The following HAPLN3 variants were observed in gnomAD, a reference collection of about 807,000 sequenced individuals.
The protein encoded by HAPLN3 is hyaluronan and proteoglycan link protein 3.
HAPLN3 carries 28 observed loss-of-function variants against 28.1 expected under a neutral mutation model. That is an observed-to-expected ratio of 1.00 (90% CI 0.74 to 1.37). The LOEUF (loss-of-function observed/expected upper bound fraction) is 1.37, where lower values mean the gene tolerates loss of function less well. Ranked by LOEUF, HAPLN3 falls within the 40% of genes most tolerant of loss-of-function variation. The pLI is 0.00. For missense variants in HAPLN3, 513 were observed against 504.6 expected, an observed-to-expected ratio of 1.02 and a Z score of -0.16; for synonymous variants, 211 against 213.1, an observed-to-expected ratio of 0.99 and a Z score of 0.09.
intron 2 of HAPLN3, among the ~76,000 whole-genome samples, chr15:88,885,261 A>G (rs186529531): frequency 3.3e-5 from 5 of 152,240 alleles, no homozygotes; most frequent in African/African-American, 4.8e-5. Flanking sequence ...TCCTTCCACA[A>G]ACAAGTGGAA....
Position 88,881,356 on chromosome 15 carries a change from C to A in HAPLN3, c.493+1G>T. On this transcript the variant is annotated splice_donor_variant, in intron 3 of 4. Coordinates refer to ENST00000359595, the MANE Select transcript of HAPLN3 (RefSeq NM_178232.4). LOFTEE classifies it high-confidence loss of function. This position sits in a 1 kb window ranked among gnomAD's most constrained non-coding sequence, Gnocchi z 6.0. ...TCACCCAGTCCCCGTTAGCATCTCA[C>A]CCCGCAGCTCCAGCTCCACCAGACC... 1 of 1,608,392 alleles carries A rather than the reference C, an allele frequency of 6.2e-7. No homozygotes were observed. The highest frequency in any genetic ancestry group is 1.1e-5 in the South Asian group (1 of 90,318).
At chr15:88,886,025 G>C (rs1897843333) in intron 2 of HAPLN3, among the ~76,000 whole-genome samples, 1 of 152,180 alleles carries the variant, frequency 6.6e-6, no homozygotes, top group Non-Finnish European at 1.5e-5. Context: ...ATTCAGCCTG[G>C]TCAGCACCCG....
intron 1 of HAPLN3, among the ~76,000 whole-genome samples, chr15:88,890,019 AGGG>A (rs1175474088): frequency 7.9e-6 from 1 of 126,512 alleles, no homozygotes; most frequent in African/African-American, 2.8e-5. Context: ...GGAGGGAGGA[AGGG>A]GAGGAAGGAA....
intron 1 of HAPLN3, among the ~76,000 whole-genome samples, chr15:88,894,763 C>T (rs1466713564): frequency 6.6e-6 from 1 of 152,210 alleles, no homozygotes; most frequent in Non-Finnish European, 1.5e-5. Context: ...AGGACTGGGT[C>T]CAAGTGCCGT....
Position 88,877,912 on chromosome 15 carries a change from G to A in HAPLN3, c.*58C>T, listed in dbSNP as rs773254078. ...ATGGCTCCAACCCACAAGGGAAAAC[G>A]AACCACTCAATAAATACACAGCCAG... is the stretch of plus-strand genomic sequence containing the variant. On this transcript the variant is annotated 3_prime_UTR_variant, in exon 5 of 5. Coordinates refer to ENST00000359595, the MANE Select transcript of HAPLN3 (RefSeq NM_178232.4). The surrounding 1 kb of genome is among the most constrained non-coding windows in gnomAD (Gnocchi z 5.1). The A allele has an allele frequency of 1.2e-5, 18 of 1,488,530 alleles. No individual in the cohort carries two copies. The highest frequency in any genetic ancestry group is 2.3e-5 in the East Asian group (1 of 43,596). The allele number at this position is 1,488,530 out of a possible 1,614,324, so 92.2% of individuals were successfully genotyped here. A position where few individuals can be genotyped will look rare whatever the true frequency, so the allele number is the denominator to read the frequency against.
chr15:88,885,941 G>A (rs1897841132), intron 2 of HAPLN3, among the ~76,000 whole-genome samples: 2 of 152,250 alleles, frequency 1.3e-5, no homozygotes, highest in East Asian at 1.9e-4. Context: ...TCAACTCTCT[G>A]AGCCTAGTTT....
chr15:88,881,758 G>A lies in HAPLN3; in HGVS notation c.125-33C>T, dbSNP rs778893990. The A allele has an allele frequency of 1.3e-5, 20 of 1,579,296 alleles. No homozygotes were observed. The highest frequency in any genetic ancestry group is 1.6e-5 in the Non-Finnish European group (18 of 1,160,240). ...GAGAGACAGGGTGCAGATGAGACCT[G>A]CTGAAGCACATCTGTACCCCTGCAA... On this transcript the variant is annotated intron_variant, in intron 2 of 4. Coordinates refer to ENST00000359595, the MANE Select transcript of HAPLN3 (RefSeq NM_178232.4). This position sits in a 1 kb window ranked among gnomAD's most constrained non-coding sequence, Gnocchi z 6.0.
rs1192701746 is a variant in HAPLN3, at chr15:88,893,242, C to A, written c.-48+2217G>T. On this transcript the variant is annotated intron_variant, in intron 1 of 4. Transcript: ENST00000359595. ...GACTGGCCTGGCCAACACAGTGAAACCCCCATCTCTAATGAAAATACAAAA... is the reference window on the plus strand; with the variant it reads ...GACTGGCCTGGCCAACACAGTGAAAACCCCATCTCTAATGAAAATACAAAA... 8.2e-6 allele frequency: 5 copies of A among 607,142 alleles called. No individual in the cohort carries two copies. The Admixed American group carries it at 1.1e-4, about 13-fold the overall frequency. 37.6% of individuals were successfully genotyped at this position (607,142 alleles called of 1,614,324 possible).
intron 1 of HAPLN3, among the ~76,000 whole-genome samples, chr15:88,894,978 G>A (rs1898118740): frequency 6.6e-6 from 1 of 152,198 alleles, no homozygotes; most frequent in African/African-American, 2.4e-5. Context: ...GTCCAGAGGC[G>A]CAGGTCCGCC....
chr15:88,892,456 CA>C (rs748336874), intron 1 of HAPLN3, among the ~76,000 whole-genome samples: 145 of 143,614 alleles, frequency 1.0e-3, no homozygotes, highest in African/African-American at 3.3e-3. Context: ...AACTGCATCT[CA>C]AAAAAAAAAG....
chr15:88,889,630 C>T (rs961835241), intron 1 of HAPLN3, among the ~76,000 whole-genome samples: 1 of 152,236 alleles, frequency 6.6e-6, no homozygotes, highest in African/African-American at 2.4e-5. Flanking sequence ...GCCACCACAC[C>T]TGGCCAGAAG....
intron 1 of HAPLN3, among the ~76,000 whole-genome samples, chr15:88,889,923 A>G (rs1465564238): frequency 1.4e-5 from 2 of 146,906 alleles, no homozygotes; most frequent in Non-Finnish European, 3.0e-5. Context: ...AGGACCCAGA[A>G]GATGAGGAAA....
intron 2 of HAPLN3, among the ~76,000 whole-genome samples, chr15:88,883,064 A>G (rs1897750093): frequency 6.6e-6 from 1 of 152,248 alleles, no homozygotes; most frequent in South Asian, 2.1e-4. Flanking sequence ...GGACAGCCTC[A>G]TGGGTAAGCA....
Position 88,879,316 on chromosome 15 carries a change from C to A in HAPLN3, c.494-47G>T. On this transcript the variant is annotated intron_variant, in intron 3 of 4. Transcript: ENST00000359595. This position sits in a 1 kb window ranked among gnomAD's most constrained non-coding sequence, Gnocchi z 5.0. ...GCTTAGGGGGTGGCCAGGGGCCCAG[C>A]TGGCTGGACACCCCGCTCTCCTCCC... 6.2e-7 allele frequency: 1 copy of A among 1,600,582 alleles called. No individual in the cohort carries two copies.
intron 2 of HAPLN3, among the ~76,000 whole-genome samples, chr15:88,886,294 T>C (rs1005719747): frequency 7.0e-6 from 1 of 141,914 alleles, no homozygotes; most frequent in Non-Finnish European, 1.5e-5. Flanking sequence ...GAGGCTGCAG[T>C]GAGCCAAGAT....
At position 88,881,815 on chromosome 15, in the gene HAPLN3, A is replaced by G. The variant is rs1897713704; in HGVS notation, c.125-90T>C. 4.1e-6 allele frequency: 6 copies of G among 1,447,356 alleles called. No individual in the cohort carries two copies. The Admixed American group carries it at 6.8e-5, about 16-fold the overall frequency. 89.7% of individuals were successfully genotyped at this position (1,447,356 alleles called of 1,614,324 possible). ...CCGCACACCCTCATCCACGGCTCCTACAGGCTCAGATTGCAAAAATGGCCA... is the reference window on the plus strand; with the variant it reads ...CCGCACACCCTCATCCACGGCTCCTGCAGGCTCAGATTGCAAAAATGGCCA... On this transcript the variant is annotated intron_variant, in intron 2 of 4. Transcript: ENST00000359595. This position sits in a 1 kb window ranked among gnomAD's most constrained non-coding sequence, Gnocchi z 6.0.
intron 2 of HAPLN3, among the ~76,000 whole-genome samples, chr15:88,885,828 C>T (rs978434350): frequency 6.6e-6 from 1 of 151,982 alleles, no homozygotes; most frequent in Non-Finnish European, 1.5e-5. Flanking sequence ...CTCAAGTGAT[C>T]CACTCACCTC....
chr15:88,879,823 G>A lies in HAPLN3; in HGVS notation c.494-554C>T. 9.3e-7 allele frequency: 1 copy of A among 1,074,036 alleles called. No individual in the cohort carries two copies. 66.5% of individuals were successfully genotyped at this position (1,074,036 alleles called of 1,614,324 possible). On this transcript the variant is annotated intron_variant, in intron 3 of 4. Coordinates refer to ENST00000359595, the MANE Select transcript of HAPLN3 (RefSeq NM_178232.4). The surrounding 1 kb of genome is among the most constrained non-coding windows in gnomAD (Gnocchi z 5.0). The stretch of plus-strand genomic sequence containing the variant: ...CTCAAGGGCAGGGAGGTCTGGGGCA[G>A]GCGGTTTCTCTCCTTGTGGTCAGGG...
At chr15:88,894,288 T>A (rs558531208) in intron 1 of HAPLN3, among the ~76,000 whole-genome samples, 1 of 152,216 alleles carries the variant, frequency 6.6e-6, no homozygotes, top group South Asian at 2.1e-4. Context: ...TCAGGTTTCC[T>A]GATGACCAGC....
Sources: gnomAD v4.1 joint callset for allele counts (sites outside exome capture counted in the v4.1 genomes callset) on GRCh38, gnomAD v4.1.1 for gene constraint, Gnocchi (gnomAD v3.1) non-coding constraint, MANE v1.5 for transcripts, NCBI Gene and HGNC (gene_info 2026-07-23, HGNC 2026-07-21) for gene names.